MAGI1: variants seen among roughly 807,000 people sequenced by gnomAD.
MAGI1 encodes the protein membrane associated guanylate kinase, WW and PDZ domain containing 1.
In MAGI1, 58 loss-of-function variants were observed where a neutral mutation model predicts 139.9. The observed-to-expected ratio is 0.41, with a 90% confidence interval of 0.34 to 0.52. The LOEUF is 0.52. Among genes scored for constraint, MAGI1 ranks in the 20% least tolerant of loss-of-function variants. The probability of loss-of-function intolerance (pLI) is 0.12; values close to 1 mark genes in which losing one functional copy is unlikely to be tolerated. For synonymous variants in MAGI1, 812 were observed against 737.9 expected (o/e 1.10, Z -1.63); for missense variants, 1,874 against 1,901.6 (o/e 0.99, Z 0.27).
At chr3:66,008,230 C>T (rs1439938651) in intron 1 of MAGI1, among the ~76,000 whole-genome samples, 1 of 152,138 alleles carries the variant, frequency 6.6e-6, no homozygotes, top group Non-Finnish European at 1.5e-5. Context: ...TAGTATAGTT[C>T]ATAGGACCAG....
chr3:65,811,000 T>A (rs2041193678), intron 1 of MAGI1, among the ~76,000 whole-genome samples: 1 of 152,212 alleles, frequency 6.6e-6, no homozygotes, highest in South Asian at 2.1e-4. Context: ...AACAAAAGAT[T>A]GATAAACAAT....
At chr3:66,034,954 A>T (rs147546895) in intron 1 of MAGI1, among the ~76,000 whole-genome samples, 153 of 152,264 alleles carry the variant, frequency 1.0e-3, no homozygotes, top group African/African-American at 2.9e-3. Context: ...GGTGATGAAA[A>T]TGTTCTCTAT....
At chr3:65,924,589 G>A (rs1374552663) in intron 1 of MAGI1, among the ~76,000 whole-genome samples, 1 of 152,160 alleles carries the variant, frequency 6.6e-6, no homozygotes, top group Non-Finnish European at 1.5e-5. Flanking sequence ...TTATCTACCT[G>A]TAAGTCACAG....
intron 1 of MAGI1, among the ~76,000 whole-genome samples, chr3:65,898,140 G>T (rs537474263): frequency 1.6e-4 from 25 of 152,264 alleles, no homozygotes; most frequent in Middle Eastern, 3.4e-3. Flanking sequence ...ATACGATTTG[G>T]TTTAATGTTT....
chr3:65,557,895 T>G (rs935575238), intron 2 of MAGI1, among the ~76,000 whole-genome samples: 1 of 152,188 alleles, frequency 6.6e-6, no homozygotes. Context: ...CAGTAATTAA[T>G]AGAAGATAAC....
At chr3:65,687,355 C>G (rs569377090) in intron 1 of MAGI1, 4 of 265,132 alleles carry the variant, frequency 1.5e-5, no homozygotes, top group Non-Finnish European at 3.2e-5. Context: ...CCAAAAGAGG[C>G]TCAGGAGGAG....
intron 12 of MAGI1, among the ~76,000 whole-genome samples, chr3:65,413,578 TTA>T (rs1945961938): frequency 1.3e-5 from 2 of 152,194 alleles, no homozygotes; most frequent in African/African-American, 4.8e-5. Context: ...GTCTAAGTGA[TTA>T]TGTGACTTAG....
intron 5 of MAGI1, among the ~76,000 whole-genome samples, chr3:65,456,379 ATTT>A (rs201447876): frequency 7.0e-6 from 1 of 142,536 alleles, no homozygotes; most frequent in African/African-American, 2.6e-5. Flanking sequence ...ATGGTTTGAT[ATTT>A]TTTTTTTTTC....
chr3:65,931,432 C>G (rs554887581), intron 1 of MAGI1, among the ~76,000 whole-genome samples: 2 of 152,272 alleles, frequency 1.3e-5, no homozygotes, highest in East Asian at 1.9e-4. Context: ...GATCGAGACC[C>G]CTTTCCAGTA....
intron 1 of MAGI1, among the ~76,000 whole-genome samples, chr3:65,762,343 T>C (rs1211930418): frequency 2.0e-5 from 3 of 152,108 alleles, no homozygotes; most frequent in Non-Finnish European, 4.4e-5. Context: ...AGGAGATACA[T>C]GTAGCAGAGG....
intron 12 of MAGI1, among the ~76,000 whole-genome samples, chr3:65,417,656 CCTTT>C (rs1467524168): frequency 6.6e-6 from 1 of 151,962 alleles, no homozygotes; most frequent in African/African-American, 2.4e-5. Flanking sequence ...GATATCATTG[CCTTT>C]CTTGATGTTT....
intron 1 of MAGI1, among the ~76,000 whole-genome samples, chr3:65,838,882 G>GATGCAGA: frequency 6.6e-6 from 1 of 152,284 alleles, no homozygotes; most frequent in East Asian, 1.9e-4. Context: ...ATCCTCACCA[G>GATGCAGA]GATTTGGTGT....
intron 22 of MAGI1, among the ~76,000 whole-genome samples, chr3:65,358,208 C>T (rs1284643668): frequency 6.6e-6 from 1 of 152,034 alleles, no homozygotes; most frequent in Non-Finnish European, 1.5e-5. Flanking sequence ...TAGGCAGTGT[C>T]CTGAATTGAG....
chr3:65,356,819 G>GT lies in MAGI1; in HGVS notation c.3947dup (p.Asn1316LysfsTer142). 6.2e-7 allele frequency: 1 copy of GT among 1,611,958 alleles called. No homozygotes were observed. Among genetic ancestry groups the GT allele is most frequent in the East Asian group, 2.2e-5 (1 of 44,794 alleles). ...TCTCTGGGGACCGCCTCTTGGGGCC[G>GT]TTGGCGGCTGCCGCGCGCTCGGCCT... On this transcript the variant is annotated frameshift_variant, in exon 23 of 23. Transcript: ENST00000402939. LOFTEE classifies it low-confidence loss of function (END_TRUNC).
chr3:65,591,911 T>C (rs893193486), intron 2 of MAGI1, among the ~76,000 whole-genome samples: 2 of 152,172 alleles, frequency 1.3e-5, no homozygotes, highest in African/African-American at 4.8e-5. Flanking sequence ...GAAAACTCTA[T>C]TTAAAAACTG....
chr3:65,478,910 AC>A, intron 3 of MAGI1, 112 bp from the exon 4 acceptor site: 1 of 749,346 alleles, frequency 1.3e-6, no homozygotes. Context: ...AAACTAGAAA[AC>A]CAGAACAAAC....
chr3:65,691,307 A>AAAAAAAAAAAAAAAAAAAAAAG (rs1388046202), intron 1 of MAGI1, among the ~76,000 whole-genome samples: 11,537 of 130,108 alleles, frequency 0.089, 1,011 homozygotes, highest in Non-Finnish European at 0.15. Context: ...CGTCTCAAAA[A>AAAAAAAAAAAAAAAAAAAAAAG]AAAAAAAAGA....
chr3:65,802,120 T>G (rs964341130), intron 1 of MAGI1, among the ~76,000 whole-genome samples: 4 of 152,094 alleles, frequency 2.6e-5, no homozygotes, highest in Non-Finnish European at 5.9e-5. Context: ...ATGAAACCGG[T>G]CCCTGGTGCC....
At chr3:66,037,832 A>C (rs2069024198) in intron 1 of MAGI1, among the ~76,000 whole-genome samples, 164 bp downstream of exon 1, 1 of 152,068 alleles carries the variant, frequency 6.6e-6, no homozygotes, top group Non-Finnish European at 1.5e-5. Flanking sequence ...AACAACCCTC[A>C]ACCTCGCAAC....
Sources: gnomAD v4.1 joint callset for allele counts (sites outside exome capture counted in the v4.1 genomes callset) on GRCh38, gnomAD v4.1.1 for gene constraint, MANE v1.5 for transcripts, NCBI Gene and HGNC (gene_info 2026-07-23, HGNC 2026-07-21) for gene names.